EVL: variants seen among roughly 807,000 people sequenced by gnomAD.
EVL encodes Enah/Vasp-like.
In EVL, 21 loss-of-function variants were observed where a neutral mutation model predicts 59.6. The ratio of observed to expected loss-of-function variants is 0.35; its 90% confidence interval spans 0.25 to 0.51. The LOEUF is 0.51. Ranked by LOEUF, EVL falls within the 20% of genes least tolerant of loss-of-function variation. EVL has a pLI of 0.97. For synonymous variants in EVL, 198 were observed against 203.5 expected, an observed-to-expected ratio of 0.97 and a Z score of 0.23; for missense variants, 462 against 546.6, an observed-to-expected ratio of 0.85 and a Z score of 1.54.
intron 3 of EVL, among the ~76,000 whole-genome samples, chr14:100,105,075 C>T (rs1221163444): frequency 6.6e-6 from 1 of 152,096 alleles, no homozygotes. Context: ...GCTCCATCTA[C>T]TGCCTCCTGT....
intron 1 of EVL, among the ~76,000 whole-genome samples, chr14:100,072,183 C>T (rs1327479361): frequency 1.3e-5 from 2 of 152,132 alleles, no homozygotes; most frequent in Non-Finnish European, 2.9e-5. Flanking sequence ...ATGAGCAGAT[C>T]CTACATCCCA....
intron 1 of EVL, among the ~76,000 whole-genome samples, chr14:99,975,419 GT>G (rs1433589631): frequency 6.6e-6 from 1 of 152,190 alleles, no homozygotes; most frequent in Admixed American, 6.5e-5. Flanking sequence ...TCAGCCATAA[GT>G]ACTTCAGTTA....
intron 1 of EVL, among the ~76,000 whole-genome samples, chr14:99,976,651 T>C (rs2060772228): frequency 6.6e-6 from 1 of 152,224 alleles, no homozygotes; most frequent in Admixed American, 6.5e-5. Context: ...TCTGCTGTTA[T>C]AAGGCACATG....
In EVL at chr14:100,025,450, G is replaced by C. The variant is rs1003726570; in HGVS notation, c.5+53393G>C. The stretch of plus-strand genomic sequence containing the variant: ...CTGGTCTCTTCCAGGTCTCTACTCA[G>C]ATGTTACCCTGACCTGTCTTTTTAA... On this transcript the variant is annotated intron_variant, in intron 1 of 13. Coordinates refer to the EVL transcript ENST00000402714. Among the ~76,000 whole-genome samples the C allele has an allele frequency of 1.5e-4, 23 of 152,166 alleles. 1 individual carries two copies. The highest frequency in any genetic ancestry group is 2.8e-4 in the Non-Finnish European group (19 of 68,020).
chr14:100,068,382 T>C (rs72711921), intron 1 of EVL, among the ~76,000 whole-genome samples: 2,715 of 152,332 alleles, frequency 0.018, 34 homozygotes, highest in Non-Finnish European at 0.027. Flanking sequence ...GCCTGCGAGC[T>C]GTGCTGAATT....
At chr14:100,100,079 A>T (rs1388872958) in intron 3 of EVL, among the ~76,000 whole-genome samples, 2 of 151,478 alleles carry the variant, frequency 1.3e-5, no homozygotes, top group Non-Finnish European at 2.9e-5. Context: ...TATTAAATTC[A>T]CCAGAGAATC....
chr14:100,118,936 C>T (rs1315765804), intron 3 of EVL, among the ~76,000 whole-genome samples: 1 of 152,250 alleles, frequency 6.6e-6, no homozygotes, highest in Non-Finnish European at 1.5e-5. Flanking sequence ...AGAATCATCA[C>T]AGTCCAGCGG....
intron 1 of EVL, among the ~76,000 whole-genome samples, chr14:100,034,010 G>A (rs2061351422): frequency 6.6e-6 from 1 of 151,956 alleles, no homozygotes. Flanking sequence ...CGGATCACCT[G>A]AGGTCAGGAG....
chr14:100,047,641 A>G (rs2061575481), intron 1 of EVL, among the ~76,000 whole-genome samples: 1 of 152,118 alleles, frequency 6.6e-6, no homozygotes, highest in South Asian at 2.1e-4. Flanking sequence ...AATATCAAAA[A>G]CTGATCTAAA....
chr14:100,027,180 A>G (rs1303183923), intron 1 of EVL, among the ~76,000 whole-genome samples: 1 of 152,250 alleles, frequency 6.6e-6, no homozygotes, highest in Admixed American at 6.5e-5. Flanking sequence ...CATACAGTGT[A>G]CAATGTGTAA....
At chr14:100,042,920 CT>C (rs1350610034) in intron 1 of EVL, among the ~76,000 whole-genome samples, 3 of 152,132 alleles carry the variant, frequency 2.0e-5, no homozygotes, top group African/African-American at 7.2e-5. Flanking sequence ...TATATAAGCC[CT>C]GAGTCTGGTG....
At chr14:99,997,540 A>C (rs1016748967) in intron 1 of EVL, among the ~76,000 whole-genome samples, 79 of 152,234 alleles carry the variant, frequency 5.2e-4, no homozygotes, top group African/African-American at 1.9e-3. Flanking sequence ...CAAGAAAGGT[A>C]TGGGGAGGGC....
At chr14:100,037,179 AAAG>A (rs1049574773) in intron 1 of EVL, among the ~76,000 whole-genome samples, 60 of 152,232 alleles carry the variant, frequency 3.9e-4, no homozygotes, top group African/African-American at 1.3e-3. Context: ...CAAAAGAAAG[AAAG>A]AAGAAGAAGG....
intron 3 of EVL, among the ~76,000 whole-genome samples, chr14:100,123,117 G>A (rs1887802767): frequency 6.6e-6 from 1 of 152,200 alleles, no homozygotes; most frequent in Non-Finnish European, 1.5e-5. Context: ...GGACTTGTTA[G>A]GTTTGGCAAT....
chr14:99,975,449 C>T (rs764812956), intron 1 of EVL, among the ~76,000 whole-genome samples: 17 of 152,172 alleles, frequency 1.1e-4, no homozygotes, highest in Non-Finnish European at 2.2e-4. Context: ...GCCCCATTTT[C>T]TCTTACCTTT....
chr14:99,993,479 A>G (rs2060889138), intron 1 of EVL, among the ~76,000 whole-genome samples: 2 of 152,072 alleles, frequency 1.3e-5, no homozygotes, highest in Admixed American at 1.3e-4. Context: ...TGGTTTTGGT[A>G]TCAGATTAAT....
chr14:100,007,642 C>G (rs1430820437), intron 1 of EVL, among the ~76,000 whole-genome samples: 6 of 152,188 alleles, frequency 3.9e-5, no homozygotes, highest in Non-Finnish European at 7.3e-5. Flanking sequence ...CAGAAGTAGC[C>G]AAAGACTCAA....
At chr14:100,058,067 G>A (rs1190037210) in intron 1 of EVL, among the ~76,000 whole-genome samples, 3 of 152,182 alleles carry the variant, frequency 2.0e-5, no homozygotes, top group African/African-American at 7.2e-5. Context: ...GAAAGAAAGA[G>A]AAGTGAGGTT....
At chr14:100,068,692 G>C (rs563180937) in intron 1 of EVL, among the ~76,000 whole-genome samples, 1 of 152,212 alleles carries the variant, frequency 6.6e-6, no homozygotes, top group Non-Finnish European at 1.5e-5. Flanking sequence ...TCACACATGG[G>C]CGTGGGGGAA....
Sources: allele counts gnomAD v4.1 joint callset (sites outside exome capture counted in the v4.1 genomes callset), GRCh38; gene constraint gnomAD v4.1.1; transcripts MANE v1.5; gene names NCBI Gene and HGNC (gene_info 2026-07-23, HGNC 2026-07-21).